The following EIF2B3 variants were observed in gnomAD, a reference collection of about 807,000 sequenced individuals.
The protein encoded by EIF2B3 is eukaryotic translation initiation factor 2B subunit gamma.
In EIF2B3, 20 loss-of-function variants were observed where a neutral mutation model predicts 54.1. The observed-to-expected ratio is 0.37, with a 90% CI of 0.26 to 0.54. EIF2B3 has a LOEUF of 0.54. EIF2B3 is among the 20% of genes least tolerant of loss of function. The probability of loss-of-function intolerance (pLI) is 0.86; values close to 1 mark genes in which losing one functional copy is unlikely to be tolerated. For synonymous variants in EIF2B3, 153 were observed against 188.1 expected, an observed-to-expected ratio of 0.81 and a Z score of 1.52; for missense variants, 448 against 547.8, an observed-to-expected ratio of 0.82 and a Z score of 1.82.
intron 5 of EIF2B3, among the ~76,000 whole-genome samples, chr1:44,922,459 C>T (rs565766213): frequency 5.9e-5 from 9 of 151,310 alleles, no homozygotes; most frequent in Admixed American, 2.0e-4. Flanking sequence ...TGGTGGTGGG[C>T]GCCTGTAATC....
At chr1:44,857,654 G>T in intron 11 of EIF2B3, 50 bp downstream of exon 11, 2 of 1,542,704 alleles carry the variant, frequency 1.3e-6, no homozygotes, top group Non-Finnish European at 1.8e-6. Context: ...GGCATTATCA[G>T]TGCTGGTGTG....
intron 5 of EIF2B3, among the ~76,000 whole-genome samples, chr1:44,913,874 T>C (rs1018845418): frequency 2.0e-5 from 3 of 148,050 alleles, no homozygotes; most frequent in African/African-American, 7.5e-5. Context: ...TTGTCCAAGC[T>C]GGAGTGCAAT....
At chr1:44,882,920 T>C (rs1442851937) in intron 6 of EIF2B3, among the ~76,000 whole-genome samples, 1 of 146,380 alleles carries the variant, frequency 6.8e-6, no homozygotes. Flanking sequence ...TGACTTTTTT[T>C]TCTTTTTCTT....
chr1:44,959,128 G>C (rs1401058537), intron 3 of EIF2B3: 1 of 761,958 alleles, frequency 1.3e-6, no homozygotes, highest in Non-Finnish European at 2.3e-6. Flanking sequence ...TGCTAACCGT[G>C]AAGGCACCCT....
intron 5 of EIF2B3, among the ~76,000 whole-genome samples, chr1:44,904,901 T>G (rs1643385482): frequency 6.6e-6 from 1 of 152,144 alleles, no homozygotes; most frequent in African/African-American, 2.4e-5. Flanking sequence ...CCCTAATCAC[T>G]GCAATTTAGA....
At position 44,911,760 on chromosome 1, in the gene EIF2B3, GGTTA is replaced by G. The variant is rs1176641917; in HGVS notation, c.567-14320_567-14317del. Among the ~76,000 whole-genome samples the G allele has an allele frequency of 3.3e-5, 5 of 151,950 alleles. No individual in the cohort carries two copies. The South Asian group carries it at 8.3e-4, about 25-fold the overall frequency. On this transcript the variant is annotated intron_variant, in intron 5 of 11. Transcript: ENST00000360403. ...TTAGGGTACATGTGCACAATGTGCA[GGTTA>G]GTTACATATGTATACATGTGCCATG...
At chr1:44,922,045 C>T (rs1310232290) in intron 5 of EIF2B3, among the ~76,000 whole-genome samples, 1 of 150,828 alleles carries the variant, frequency 6.6e-6, no homozygotes, top group African/African-American at 2.4e-5. Flanking sequence ...TAGCTGGGAT[C>T]ACAGGCGCCC....
chr1:44,953,725 C>G lies in EIF2B3; in HGVS notation c.295-12060G>C, dbSNP rs1237587999. On this transcript the variant is annotated intron_variant, in intron 3 of 11. Coordinates refer to ENST00000360403, the MANE Select transcript of EIF2B3 (RefSeq NM_020365.5). ...GGAAGACTGCTTGAGCCCAGGAGGTCGAGGCTACAGTGAGCCATGATCACA... is the reference window on the plus strand; with the variant it reads ...GGAAGACTGCTTGAGCCCAGGAGGTGGAGGCTACAGTGAGCCATGATCACA... Among the ~76,000 whole-genome samples, 7 of 152,066 alleles carry G rather than the reference C, an allele frequency of 4.6e-5. No homozygotes were observed. The South Asian group carries it at 1.4e-3, about 31-fold the overall frequency.
intron 6 of EIF2B3, among the ~76,000 whole-genome samples, chr1:44,886,295 G>A (rs746573999): frequency 6.6e-6 from 1 of 150,784 alleles, no homozygotes; most frequent in East Asian, 2.0e-4. Context: ...TGGCCAGGCT[G>A]GTCTCGAACT....
intron 5 of EIF2B3, among the ~76,000 whole-genome samples, chr1:44,906,648 C>A (rs1386772930): frequency 6.6e-6 from 1 of 152,190 alleles, no homozygotes; most frequent in African/African-American, 2.4e-5. Context: ...GATCCGCCCA[C>A]CTCGGCCTCC....
intron 3 of EIF2B3, 123 bp downstream of exon 3, chr1:44,978,192 C>G (rs1458661999): frequency 9.0e-7 from 1 of 1,108,764 alleles, no homozygotes; most frequent in South Asian, 1.3e-5. Context: ...GATCACACTA[C>G]TGCACTCCGG....
chr1:44,870,260 G>T (rs928843227), intron 10 of EIF2B3, among the ~76,000 whole-genome samples: 11 of 151,996 alleles, frequency 7.2e-5, no homozygotes, highest in Non-Finnish European at 1.5e-4. Flanking sequence ...CTCTGGGTCT[G>T]ACCTCTTTTC....
At chr1:44,913,638 G>C (rs1223115272) in intron 5 of EIF2B3, among the ~76,000 whole-genome samples, 1 of 152,112 alleles carries the variant, frequency 6.6e-6, no homozygotes, top group African/African-American at 2.4e-5. Flanking sequence ...CCAAGTAGCT[G>C]GGACTACAGG....
intron 3 of EIF2B3, among the ~76,000 whole-genome samples, chr1:44,954,889 C>A (rs1022078461): frequency 8.5e-5 from 13 of 152,070 alleles, no homozygotes. Context: ...TTATGAGATA[C>A]GTTCCATCAA....
intron 9 of EIF2B3, 117 bp downstream of exon 9, chr1:44,875,501 G>A (rs1655091549): frequency 1.2e-5 from 11 of 937,728 alleles, no homozygotes; most frequent in Non-Finnish European, 1.9e-5. Flanking sequence ...AACCCACTGT[G>A]ATTTCCCTGG....
intron 3 of EIF2B3, among the ~76,000 whole-genome samples, chr1:44,952,654 G>A (rs1380015548): frequency 2.7e-5 from 4 of 150,230 alleles, no homozygotes; most frequent in African/African-American, 9.8e-5. Flanking sequence ...CCGGGTTCAC[G>A]CCATTCTCCT....
intron 5 of EIF2B3, among the ~76,000 whole-genome samples, chr1:44,924,448 C>T (rs867332643): frequency 6.6e-6 from 1 of 151,270 alleles, no homozygotes; most frequent in Non-Finnish European, 1.5e-5. Context: ...TGTCGCCCAG[C>T]GCAATCTAGG....
intron 3 of EIF2B3, among the ~76,000 whole-genome samples, chr1:44,955,765 C>G (rs139397854): frequency 0.011 from 1,625 of 152,274 alleles, 33 homozygotes; most frequent in African/African-American, 0.037. Context: ...AAAAAAAGCT[C>G]ATCATCACTG....
intron 4 of EIF2B3, among the ~76,000 whole-genome samples, chr1:44,938,025 G>A (rs1254536744): frequency 2.7e-5 from 4 of 150,572 alleles, no homozygotes; most frequent in African/African-American, 7.3e-5. Flanking sequence ...GAAAGTGCAA[G>A]GGGAAGAAAG....
Sources: gnomAD v4.1 joint callset for allele counts (sites outside exome capture counted in the v4.1 genomes callset) on GRCh38, gnomAD v4.1.1 for gene constraint, MANE v1.5 for transcripts, NCBI Gene and HGNC (gene_info 2026-07-23, HGNC 2026-07-21) for gene names.